The following CUX1 variants were observed in gnomAD, a reference collection of about 807,000 sequenced individuals.
CUX1 encodes protein CASP.
In CUX1, 31 loss-of-function variants were observed where a neutral mutation model predicts 158.8. The ratio of observed to expected loss-of-function variants is 0.20; its 90% CI spans 0.15 to 0.26. The LOEUF (loss-of-function observed/expected upper bound fraction) is 0.26, where lower values mean the gene tolerates loss of function less well. Among genes scored for constraint, CUX1 ranks in the 10% least tolerant of loss-of-function variants. The pLI, the probability that CUX1 is intolerant of heterozygous loss-of-function variation, is 1.00. For missense variants in CUX1, 1,589 were observed against 2,014.6 expected, an observed-to-expected ratio of 0.79 and a Z score of 4.04; for synonymous variants, 879 against 862.1, an observed-to-expected ratio of 1.02 and a Z score of -0.34.
intron 11 of CUX1, among the ~76,000 whole-genome samples, chr7:102,180,977 T>C (rs892891944): frequency 2.6e-5 from 4 of 151,514 alleles, no homozygotes; most frequent in African/African-American, 9.7e-5. Flanking sequence ...AATTTCGTTC[T>C]GTTGCCCAGG....
chr7:102,038,917 C>T (rs957612198), intron 3 of CUX1, among the ~76,000 whole-genome samples: 24 of 152,114 alleles, frequency 1.6e-4, no homozygotes, highest in African/African-American at 5.8e-4. Context: ...TGCACCCCAG[C>T]CTAGGAGACA....
intron 2 of CUX1, among the ~76,000 whole-genome samples, chr7:102,002,769 C>T (rs556585942): frequency 4.6e-5 from 7 of 152,240 alleles, no homozygotes; most frequent in South Asian, 4.2e-4. Context: ...GGTGCTGGGC[C>T]GCCCTGCCAC....
chr7:102,256,199 G>A lies in CUX1; in HGVS notation c.*7157G>A. On this transcript the variant is annotated 3_prime_UTR_variant, in exon 24 of 24. Coordinates refer to ENST00000292535, the MANE Select transcript of CUX1 (RefSeq NM_181552.4). ...ATTCAGAAGCTGAGACCCTTCCCCA[G>A]TGTCTGAGGCCACAGCCATCCCTTC... is the stretch of plus-strand genomic sequence containing the variant. 2.0e-6 allele frequency: 2 copies of A among 985,452 alleles called. No homozygotes were observed. Among genetic ancestry groups the A allele is most frequent in the Non-Finnish European group, 2.4e-6 (2 of 829,970 alleles). 61.0% of individuals were successfully genotyped at this position (985,452 alleles called of 1,614,324 possible).
Position 102,253,728 on chromosome 7 carries a change from A to G in CUX1, c.*4686A>G. On this transcript the variant is annotated 3_prime_UTR_variant, in exon 24 of 24. Transcript: ENST00000292535. ...GCTTCTTGGCAGACCAGTAAAAACA[A>G]AAGCCCATAGACCTTACTCATCCCA... 1 of 985,480 alleles carries G rather than the reference A, an allele frequency of 1.0e-6. No homozygotes were observed. The highest frequency in any genetic ancestry group is 1.2e-6 in the Non-Finnish European group (1 of 829,950). 61.0% of individuals were successfully genotyped at this position (985,480 alleles called of 1,614,324 possible).
At chr7:102,231,305 C>T (rs1205908542) in intron 21 of CUX1, among the ~76,000 whole-genome samples, 3 of 150,754 alleles carry the variant, frequency 2.0e-5, no homozygotes, top group African/African-American at 7.3e-5. Context: ...GCTGGGATTA[C>T]AGGCGTGAGC....
At chr7:102,228,543 C>G (rs1288048844) in intron 21 of CUX1, among the ~76,000 whole-genome samples, 2 of 152,016 alleles carry the variant, frequency 1.3e-5, no homozygotes, top group Non-Finnish European at 2.9e-5. Context: ...GCCTGTAATC[C>G]CAGCACATTG....
chr7:102,114,620 G>C (rs1831257425), intron 7 of CUX1, among the ~76,000 whole-genome samples: 1 of 152,196 alleles, frequency 6.6e-6, no homozygotes, highest in Admixed American at 6.5e-5. Flanking sequence ...GCCCACACCT[G>C]TAATCCCAGC....
At chr7:102,227,954 T>TTC (rs1554529279) in intron 21 of CUX1, among the ~76,000 whole-genome samples, 11 of 140,764 alleles carry the variant, frequency 7.8e-5, no homozygotes, top group African/African-American at 1.4e-4. Context: ...TTTTTTTCTT[T>TTC]TTTTTTTTTT....
chr7:102,078,819 G>C (rs1827056212), intron 4 of CUX1, among the ~76,000 whole-genome samples: 1 of 152,150 alleles, frequency 6.6e-6, no homozygotes, highest in Non-Finnish European at 1.5e-5. Flanking sequence ...TCCATTTTCA[G>C]AGCCTGCTCC....
chr7:102,013,856 C>G (rs1034930967), intron 2 of CUX1, among the ~76,000 whole-genome samples: 3 of 152,080 alleles, frequency 2.0e-5, no homozygotes, highest in African/African-American at 7.2e-5. Context: ...AGGCACACAC[C>G]ACCATGCCTC....
intron 2 of CUX1, among the ~76,000 whole-genome samples, chr7:101,946,894 G>A (rs1384634521): frequency 6.6e-6 from 1 of 152,134 alleles, no homozygotes; most frequent in African/African-American, 2.4e-5. Flanking sequence ...GACCAAGGAG[G>A]TGGCACCCCT....
intron 3 of CUX1, among the ~76,000 whole-genome samples, chr7:102,045,954 C>T (rs1384618582): frequency 6.6e-6 from 1 of 152,152 alleles, no homozygotes; most frequent in Non-Finnish European, 1.5e-5. Flanking sequence ...AGGAAGGGTG[C>T]ATGGGGTTTC....
chr7:101,920,865 G>T (rs1030876909), intron 2 of CUX1, among the ~76,000 whole-genome samples: 7 of 151,718 alleles, frequency 4.6e-5, no homozygotes, highest in Non-Finnish European at 1.0e-4. Context: ...CTATATTTTT[G>T]TTTTTTTTGG....
At chr7:102,058,683 T>C (rs183001229) in intron 3 of CUX1, among the ~76,000 whole-genome samples, 7 of 152,364 alleles carry the variant, frequency 4.6e-5, no homozygotes, top group African/African-American at 1.7e-4. Context: ...TGAATGTGTA[T>C]GTTTTTATAC....
At chr7:101,855,698 T>G (rs1277785877) in intron 1 of CUX1, among the ~76,000 whole-genome samples, 1 of 150,654 alleles carries the variant, frequency 6.6e-6, no homozygotes. Context: ...GCCAACATGG[T>G]GAAACCCCGT....
chr7:102,281,780 C>T, intron 20 of CUX1: 1 of 1,148,600 alleles, frequency 8.7e-7, no homozygotes, highest in Non-Finnish European at 1.3e-6. Flanking sequence ...GAAGCCCAGG[C>T]AGCCCTGCAG....
chr7:101,906,845 G>A (rs1802815988), intron 1 of CUX1, among the ~76,000 whole-genome samples: 1 of 152,108 alleles, frequency 6.6e-6, no homozygotes, highest in African/African-American at 2.4e-5. Flanking sequence ...TGTGGGTGGT[G>A]GTGGTTCCAT....
intron 8 of CUX1, among the ~76,000 whole-genome samples, chr7:102,146,719 T>C (rs141643588): frequency 0.016 from 2,385 of 152,178 alleles, 54 homozygotes; most frequent in African/African-American, 0.053. Context: ...CACCCCAGCC[T>C]CCTTAGTAGC....
At chr7:101,953,820 C>CA (rs995162564) in intron 2 of CUX1, among the ~76,000 whole-genome samples, 1,285 of 108,858 alleles carry the variant, frequency 0.012, 12 homozygotes, top group African/African-American at 0.035. Context: ...GGGAAATCCA[C>CA]AAAAAAAAAA....
Sources: allele counts gnomAD v4.1 joint callset (sites outside exome capture counted in the v4.1 genomes callset), GRCh38; gene constraint gnomAD v4.1.1; transcripts MANE v1.5; gene names NCBI Gene and HGNC (gene_info 2026-07-23, HGNC 2026-07-21).